Variants in MIR2052HG observed in about 807,000 individuals in gnomAD.
MIR2052HG encodes the protein MIR2052 host gene.
chr8:74,704,312 T>C (rs538613143), intron 4 of MIR2052HG, among the ~76,000 whole-genome samples: 3 of 152,130 alleles, frequency 2.0e-5, no homozygotes, highest in Admixed American at 1.3e-4. Flanking sequence ...ACAGTGCATC[T>C]TGAGGAAGTG....
chr8:74,733,846 T>G (rs1170316467), intron 4 of MIR2052HG, among the ~76,000 whole-genome samples: 1 of 151,372 alleles, frequency 6.6e-6, no homozygotes, highest in Non-Finnish European at 1.5e-5. Flanking sequence ...TGGTGAGCAT[T>G]TTTTCATGTG....
chr8:74,636,228 CT>C (rs2128734831), intron 2 of MIR2052HG, among the ~76,000 whole-genome samples: 1 of 152,252 alleles, frequency 6.6e-6, no homozygotes, highest in Non-Finnish European at 1.5e-5. Flanking sequence ...CTGTTCTTTA[CT>C]TACCTTTCTG....
At chr8:74,734,271 G>A (rs1413178816) in intron 4 of MIR2052HG, among the ~76,000 whole-genome samples, 1 of 152,158 alleles carries the variant, frequency 6.6e-6, no homozygotes, top group Non-Finnish European at 1.5e-5. Flanking sequence ...TTCTAGGATT[G>A]TTTTGGCAAT....
intron 1 of MIR2052HG, chr8:74,612,459 C>G (rs1808211347): frequency 6.0e-6 from 1 of 167,720 alleles, no homozygotes; most frequent in Non-Finnish European, 1.3e-5. Flanking sequence ...CATACCTTAG[C>G]TTGGGTTGAG....
chr8:74,751,326 T>C (rs757090665), intron 4 of MIR2052HG, among the ~76,000 whole-genome samples: 3 of 152,238 alleles, frequency 2.0e-5, no homozygotes, highest in African/African-American at 4.8e-5. Flanking sequence ...ATAGCGTTGC[T>C]ATGCTGCCTA....
intron 2 of MIR2052HG, among the ~76,000 whole-genome samples, chr8:74,684,154 G>A (rs182691008): frequency 2.0e-4 from 30 of 152,086 alleles, no homozygotes; most frequent in Admixed American, 1.8e-3. Context: ...CATTAGTTAA[G>A]CACTGCCTCA....
chr8:74,702,908 G>C (rs1472767090), intron 3 of MIR2052HG, among the ~76,000 whole-genome samples: 3 of 152,022 alleles, frequency 2.0e-5, no homozygotes, highest in Admixed American at 6.6e-5. Flanking sequence ...AACCATGTTT[G>C]TTAAGAGGGT....
chr8:74,661,139 G>C (rs1194529197), intron 2 of MIR2052HG, among the ~76,000 whole-genome samples: 1 of 151,664 alleles, frequency 6.6e-6, no homozygotes, highest in Non-Finnish European at 1.5e-5. Flanking sequence ...CCAGTTACCA[G>C]CTGGGCTACC....
intron 4 of MIR2052HG, among the ~76,000 whole-genome samples, chr8:74,724,609 T>TAG (rs1469475424): frequency 6.6e-6 from 1 of 152,208 alleles, no homozygotes; most frequent in East Asian, 1.9e-4. Flanking sequence ...TTTGACAACT[T>TAG]TTCTAACTAT....
chr8:74,716,038 A>G (rs1380876040), intron 4 of MIR2052HG, among the ~76,000 whole-genome samples: 1 of 152,204 alleles, frequency 6.6e-6, no homozygotes, highest in African/African-American at 2.4e-5. Context: ...AGATCCCAGA[A>G]AGCTCTGGTA....
Position 74,733,313 on chromosome 8 carries a change from T to C in MIR2052HG, n.372-19128T>C, listed in dbSNP as rs540283774. 2.0e-5 allele frequency among the ~76,000 whole-genome samples: 3 copies of C among 152,166 alleles called. No homozygotes were observed. The East Asian group carries it at 5.8e-4, about 30-fold the overall frequency. Reference sequence around the variant, plus strand: ...GTTCTCATTATTCAATTCCCACCTATGAGTGAGTATATGCAGTGTTTGGTT... The same window carrying C: ...GTTCTCATTATTCAATTCCCACCTACGAGTGAGTATATGCAGTGTTTGGTT... On this transcript the variant is annotated intron_variant and non_coding_transcript_variant, in intron 4 of 6. Transcript: ENST00000523442.
intron 4 of MIR2052HG, among the ~76,000 whole-genome samples, chr8:74,742,979 A>G (rs1263143682): frequency 6.6e-6 from 1 of 152,136 alleles, no homozygotes; most frequent in Non-Finnish European, 1.5e-5. Context: ...ATGGTACAAA[A>G]GGCTGGACAA....
At chr8:74,676,993 T>TA (rs1809060329) in intron 2 of MIR2052HG, among the ~76,000 whole-genome samples, 1 of 151,958 alleles carries the variant, frequency 6.6e-6, no homozygotes, top group Non-Finnish European at 1.5e-5. Flanking sequence ...GAGAAACACT[T>TA]AAAAGATAAC....
intron 4 of MIR2052HG, among the ~76,000 whole-genome samples, chr8:74,706,853 A>C (rs1809416057): frequency 6.6e-6 from 1 of 152,096 alleles, no homozygotes; most frequent in South Asian, 2.1e-4. Context: ...GGAAGGGCAT[A>C]TTCTGCTTCT....
intron 2 of MIR2052HG, among the ~76,000 whole-genome samples, chr8:74,655,427 G>A (rs1002084429): frequency 1.1e-4 from 16 of 152,178 alleles, no homozygotes; most frequent in South Asian, 2.1e-4. Flanking sequence ...GGGTCCCCAT[G>A]CTGTGTGCAG....
chr8:74,746,567 AGTGTGTGTGTGT>A (rs72103010), intron 4 of MIR2052HG, among the ~76,000 whole-genome samples: 1 of 147,538 alleles, frequency 6.8e-6, no homozygotes, highest in Admixed American at 6.8e-5. Context: ...GAGGAGAAGA[AGTGTGTGTGTGT>A]GTGTGTGTGT....
At chr8:74,663,338 A>G (rs1808887509) in intron 2 of MIR2052HG, among the ~76,000 whole-genome samples, 1 of 152,222 alleles carries the variant, frequency 6.6e-6, no homozygotes, top group African/African-American at 2.4e-5. Context: ...CAGGGAGATT[A>G]AAAGGAGGCC....
At chr8:74,694,384 T>G (rs1396679375) in intron 2 of MIR2052HG, among the ~76,000 whole-genome samples, 2 of 152,116 alleles carry the variant, frequency 1.3e-5, no homozygotes, top group African/African-American at 2.4e-5. Flanking sequence ...AAATCTTCCC[T>G]CTCACATAGG....
At chr8:74,705,170 C>T (rs269197) in intron 4 of MIR2052HG, among the ~76,000 whole-genome samples, 100,920 of 151,744 alleles carry the variant, frequency 0.67, 35,593 homozygotes, top group African/African-American at 0.91. Context: ...ATTTCTAATT[C>T]AGACAATATT....
Sources: gnomAD v4.1 joint callset for allele counts (sites outside exome capture counted in the v4.1 genomes callset) on GRCh38, gnomAD v4.1.1 for gene constraint, MANE v1.5 for transcripts, NCBI Gene and HGNC (gene_info 2026-07-23, HGNC 2026-07-21) for gene names.